The following OSBPL8 variants were observed in gnomAD, a reference collection of about 807,000 sequenced individuals.
The protein encoded by OSBPL8 is oxysterol-binding protein-related protein 8.
In OSBPL8, 59 loss-of-function variants were observed where a neutral mutation model predicts 125.5. The observed-to-expected ratio is 0.47, with a 90% CI of 0.38 to 0.58. The LOEUF is 0.58. Ranked by LOEUF, OSBPL8 falls within the 20% of genes least tolerant of loss-of-function variation. OSBPL8 has a pLI of 0.00. For missense variants in OSBPL8, 758 were observed against 1,047.8 expected (o/e 0.72, Z 3.82); for synonymous variants, 330 against 338.9 (o/e 0.97, Z 0.29).
intron 9 of OSBPL8, among the ~76,000 whole-genome samples, chr12:76,393,341 T>C (rs914268867): frequency 3.9e-5 from 6 of 152,182 alleles, no homozygotes; most frequent in African/African-American, 1.4e-4. Context: ...TTCATATATA[T>C]CACTTCAAGA....
intron 1 of OSBPL8, among the ~76,000 whole-genome samples, chr12:76,542,699 T>C (rs1950680104): frequency 6.6e-6 from 1 of 152,200 alleles, no homozygotes; most frequent in African/African-American, 2.4e-5. Context: ...ACTACTCACT[T>C]AGCATCCAGA....
intron 4 of OSBPL8, among the ~76,000 whole-genome samples, chr12:76,416,965 C>A (rs1440449738): frequency 6.6e-6 from 1 of 152,128 alleles, no homozygotes; most frequent in African/African-American, 2.4e-5. Flanking sequence ...GTATACTTAA[C>A]TTTTCAAAGT....
chr12:76,478,320 T>C (rs959267736), intron 2 of OSBPL8, among the ~76,000 whole-genome samples: 7 of 151,702 alleles, frequency 4.6e-5, no homozygotes, highest in Non-Finnish European at 8.8e-5. Flanking sequence ...ACAAATAATA[T>C]AAAGTACCAT....
At chr12:76,511,023 A>G (rs1565956774) in intron 1 of OSBPL8, among the ~76,000 whole-genome samples, 1 of 152,224 alleles carries the variant, frequency 6.6e-6, no homozygotes, top group African/African-American at 2.4e-5. Context: ...ACTGATTAGT[A>G]TAATATACAA....
At chr12:76,433,974 C>CAAAAAAAAAA (rs34241447) in intron 4 of OSBPL8, among the ~76,000 whole-genome samples, 1 of 82,142 alleles carries the variant, frequency 1.2e-5, no homozygotes, top group Non-Finnish European at 2.2e-5. Flanking sequence ...GACTCCATCT[C>CAAAAAAAAAA]AAAAAAAAAA....
At chr12:76,366,084 GTAATGT>G (rs1445649915) in intron 21 of OSBPL8, among the ~76,000 whole-genome samples, 2 of 152,126 alleles carry the variant, frequency 1.3e-5, no homozygotes, top group Non-Finnish European at 2.9e-5. Context: ...TGGCATTAGG[GTAATGT>G]TAGCCTCAGA....
intron 1 of OSBPL8, among the ~76,000 whole-genome samples, chr12:76,539,988 T>C (rs1950599357): frequency 6.6e-6 from 1 of 152,210 alleles, no homozygotes; most frequent in Non-Finnish European, 1.5e-5. Flanking sequence ...TTAAAAGCAG[T>C]AGGCATGCCT....
chr12:76,394,597 C>T, intron 9 of OSBPL8, 48 bp downstream of exon 9: 4 of 1,403,370 alleles, frequency 2.9e-6, no homozygotes, highest in South Asian at 1.2e-5. Flanking sequence ...ATTAAAAAAA[C>T]TCTTAAAAAT....
intron 2 of OSBPL8, among the ~76,000 whole-genome samples, chr12:76,476,934 G>A (rs1389031351): frequency 6.6e-6 from 1 of 152,192 alleles, no homozygotes; most frequent in Admixed American, 6.5e-5. Context: ...ACAAATATCT[G>A]TTAAATGACC....
intron 16 of OSBPL8, among the ~76,000 whole-genome samples, chr12:76,376,758 G>C (rs979509968): frequency 2.6e-5 from 4 of 152,142 alleles, no homozygotes; most frequent in Admixed American, 6.6e-5. Context: ...ATGCTGGGTT[G>C]GCCTTCGATA....
At chr12:76,398,257 A>G (rs1953899404) in intron 7 of OSBPL8, among the ~76,000 whole-genome samples, 1 of 152,144 alleles carries the variant, frequency 6.6e-6, no homozygotes, top group Non-Finnish European at 1.5e-5. Flanking sequence ...TGTGCATATG[A>G]TGATTCTGCT....
At position 76,355,487 on chromosome 12, in the gene OSBPL8, A is replaced by G. The variant is rs1951948432; in HGVS notation, c.*402T>C. On this transcript the variant is annotated 3_prime_UTR_variant, in exon 24 of 24. Transcript: ENST00000261183. The stretch of plus-strand genomic sequence containing the variant: ...TTTGTGCCTGTTTTATGAAGAAAAT[A>G]GATTACATATATTTATAAGATTGAT... 1 of 153,036 alleles carries G rather than the reference A, an allele frequency of 6.5e-6. No homozygotes were observed. The highest frequency in any genetic ancestry group is 1.5e-5 in the Non-Finnish European group (1 of 68,648). 9.5% of individuals were successfully genotyped at this position (153,036 alleles called of 1,614,324 possible).
At chr12:76,381,080 T>C (rs985975928) in intron 15 of OSBPL8, among the ~76,000 whole-genome samples, 5 of 152,196 alleles carry the variant, frequency 3.3e-5, no homozygotes, top group Admixed American at 6.5e-5. Flanking sequence ...TTTCATCATA[T>C]TATTCTTTTA....
chr12:76,508,801 T>C (rs1281469543), intron 1 of OSBPL8, among the ~76,000 whole-genome samples: 1 of 152,182 alleles, frequency 6.6e-6, no homozygotes, highest in Admixed American at 6.5e-5. Flanking sequence ...TTACCCTATA[T>C]GGTCCAAAAA....
At chr12:76,558,832 T>C (rs542534108) in intron 1 of OSBPL8, among the ~76,000 whole-genome samples, 6 of 152,324 alleles carry the variant, frequency 3.9e-5, no homozygotes, top group African/African-American at 1.4e-4. Flanking sequence ...AGAGAGGGCT[T>C]AGAAACAAAC....
intron 2 of OSBPL8, among the ~76,000 whole-genome samples, chr12:76,478,690 G>T (rs1877102972): frequency 6.6e-6 from 1 of 151,804 alleles, no homozygotes; most frequent in Non-Finnish European, 1.5e-5. Context: ...CACACAATAG[G>T]TAATACTGAG....
At chr12:76,533,837 T>C (rs1302680016) in intron 1 of OSBPL8, among the ~76,000 whole-genome samples, 1 of 152,164 alleles carries the variant, frequency 6.6e-6, no homozygotes, top group Non-Finnish European at 1.5e-5. Flanking sequence ...TTAATTCAAA[T>C]GCATAACCAA....
chr12:76,546,692 G>T (rs545097274), intron 1 of OSBPL8, among the ~76,000 whole-genome samples: 2 of 152,110 alleles, frequency 1.3e-5, no homozygotes, highest in African/African-American at 4.8e-5. Context: ...ACTGATATCT[G>T]AGAGGGAAAA....
intron 21 of OSBPL8, among the ~76,000 whole-genome samples, chr12:76,365,111 A>G (rs1377762957): frequency 2.0e-5 from 3 of 152,018 alleles, no homozygotes; most frequent in Admixed American, 2.0e-4. Context: ...GTGTGCCACC[A>G]TGCCCAGCTG....
Sources: gnomAD v4.1 joint callset for allele counts (sites outside exome capture counted in the v4.1 genomes callset) on GRCh38, gnomAD v4.1.1 for gene constraint, MANE v1.5 for transcripts, NCBI Gene and HGNC (gene_info 2026-07-23, HGNC 2026-07-21) for gene names.